Variants in TSHZ3 observed in about 807,000 individuals in gnomAD.
The protein encoded by TSHZ3 is teashirt zinc finger homeobox 3.
In TSHZ3, 10 loss-of-function variants were observed where a neutral mutation model predicts 64.5. The observed-to-expected ratio is 0.16, with a 90% confidence interval of 0.10 to 0.26. TSHZ3 has a LOEUF of 0.26. Ranked by LOEUF, TSHZ3 falls within the 10% of genes least tolerant of loss-of-function variation. The pLI, the probability that TSHZ3 is intolerant of heterozygous loss-of-function variation, is 1.00. For missense variants in TSHZ3, 1,242 were observed against 1,421.7 expected (o/e 0.87, Z 2.03); for synonymous variants, 608 against 593.1 (o/e 1.03, Z -0.36).
intron 6 of TSHZ3, among the ~76,000 whole-genome samples, chr19:31,154,185 C>G (rs927463395): frequency 6.6e-6 from 1 of 152,178 alleles, no homozygotes; most frequent in African/African-American, 2.4e-5. Flanking sequence ...CAGCAGAGCC[C>G]CACCCGTAGG....
At chr19:31,249,422 G>A (rs1975804256) in intron 1 of TSHZ3, among the ~76,000 whole-genome samples, 1 of 152,262 alleles carries the variant, frequency 6.6e-6, no homozygotes, top group Non-Finnish European at 1.5e-5. Context: ...GGGCAGGCCA[G>A]CAGGTTCCCT....
Position 31,277,435 on chromosome 19 carries a change from G to C in TSHZ3, c.2358C>G (p.Asn786Lys), listed in dbSNP as rs374144425. ...CTTTTGTCAAGTCTATGGGCTGGTC[G>C]TTGTTGACGTGGTAGAAATAGCGGT... ...HLDRYFYHVN[N>K]DQPIDLTKGK... is the part of the protein sequence containing the mutation. Residue 786 changes from asparagine to lysine, a missense_variant, in exon 2 of 2, where the codon AAC (asparagine) becomes AAG (lysine). Coordinates refer to ENST00000240587, the MANE Select transcript of TSHZ3 (RefSeq NM_020856.4). This position sits in a 1 kb window ranked among gnomAD's most constrained non-coding sequence, Gnocchi z 4.5. 7 of 1,613,972 alleles carry C rather than the reference G, an allele frequency of 4.3e-6. No homozygotes were observed. Among genetic ancestry groups the C allele is most frequent in the Non-Finnish European group, 5.9e-6 (7 of 1,180,008 alleles).
chr19:31,282,871 G>A (rs1297678295), intron 1 of TSHZ3, among the ~76,000 whole-genome samples: 3 of 152,188 alleles, frequency 2.0e-5, no homozygotes, highest in Non-Finnish European at 2.9e-5. Context: ...CCCCACTCCT[G>A]ACCATGTCAT....
At chr19:31,348,094 T>G (rs1355591299) in intron 1 of TSHZ3, among the ~76,000 whole-genome samples, 2 of 152,148 alleles carry the variant, frequency 1.3e-5, no homozygotes, top group African/African-American at 4.8e-5. Flanking sequence ...CACATCTGAG[T>G]GTTACTCATA....
intron 5 of TSHZ3, among the ~76,000 whole-genome samples, chr19:31,166,407 C>G (rs1199804221): frequency 2.0e-5 from 3 of 152,126 alleles, no homozygotes; most frequent in Admixed American, 6.5e-5. Flanking sequence ...GTAGGGACTT[C>G]GAGGGAGAGG....
In TSHZ3 at chr19:31,287,368, G is replaced by A. The variant is rs986675863; in HGVS notation, c.41-7616C>T. Among the ~76,000 whole-genome samples the A allele has an allele frequency of 7.2e-5, 11 of 152,194 alleles. No individual in the cohort carries two copies. The East Asian group carries it at 1.4e-3, about 19-fold the overall frequency. ...CCTTTTCCGCATGTCTTCTTATTAC[G>A]GATAGCCCAGAAGAACACCCCTCTT... On this transcript the variant is annotated intron_variant, in intron 1 of 1. Transcript: ENST00000240587.
intron 1 of TSHZ3, among the ~76,000 whole-genome samples, chr19:31,286,865 C>T (rs1474730108): frequency 6.6e-6 from 1 of 152,218 alleles, no homozygotes; most frequent in Non-Finnish European, 1.5e-5. Context: ...CGTATCATGT[C>T]CGGGGAGAGA....
At chr19:31,322,908 G>T (rs972833480) in intron 1 of TSHZ3, among the ~76,000 whole-genome samples, 1 of 152,188 alleles carries the variant, frequency 6.6e-6, no homozygotes, top group Non-Finnish European at 1.5e-5. Context: ...CAACATCAAG[G>T]ATTAGCAATA....
chr19:31,277,100 CAGTTTGACT>C lies in TSHZ3; in HGVS notation c.2684_2692del (p.Gln895_Trp898delinsArg). The C allele has an allele frequency of 6.2e-7, 1 of 1,604,086 alleles. No homozygotes were observed. Among genetic ancestry groups the C allele is most frequent in the Non-Finnish European group, 8.5e-7 (1 of 1,174,196 alleles). ...GAGGATCAGGAGGTGCTGGGGGTTC[CAGTTTGACT>C]GGCGGCCCTTCCTCTTCTGGGCGGG... On this transcript the variant is annotated inframe_deletion, in exon 2 of 2. Coordinates refer to ENST00000240587, the MANE Select transcript of TSHZ3 (RefSeq NM_020856.4). This position sits in a 1 kb window ranked among gnomAD's most constrained non-coding sequence, Gnocchi z 4.5.
chr19:31,309,286 G>A (rs1916387464), intron 1 of TSHZ3, among the ~76,000 whole-genome samples: 2 of 152,184 alleles, frequency 1.3e-5, no homozygotes, highest in Non-Finnish European at 1.5e-5. Flanking sequence ...GGTGGTAAAA[G>A]GACAGAAGGA....
At chr19:31,230,792 C>T (rs1378439730) in intron 3 of TSHZ3, among the ~76,000 whole-genome samples, 6 of 150,954 alleles carry the variant, frequency 4.0e-5, no homozygotes, top group African/African-American at 7.3e-5. Flanking sequence ...CTCCGCCTCC[C>T]GGGTTCATGC....
Position 31,160,097 on chromosome 19 carries a change from T to C in TSHZ3, n.810-3680A>G, listed in dbSNP as rs1974355504. Among the ~76,000 whole-genome samples, 3 of 152,242 alleles carry C rather than the reference T, an allele frequency of 2.0e-5. No homozygotes were observed. The South Asian group carries it at 6.2e-4, about 32-fold the overall frequency. On this transcript the variant is annotated intron_variant and non_coding_transcript_variant, in intron 5 of 6. Transcript: ENST00000651361. ...CTTACAATGGGCCAGGCCTTGTGTT[T>C]AAATATCAGTTGGTTTCATCTTTAT...
In TSHZ3 at chr19:31,207,187, T is replaced by C. The variant is rs60880847; in HGVS notation, n.687-2109A>G. On this transcript the variant is annotated intron_variant and non_coding_transcript_variant, in intron 4 of 6. Transcript: ENST00000651361. ...TTAATGAATGCATTGAAAAAAGTGA[T>C]TATATATTAAAGTACAAAAGTCTAT... Among the ~76,000 whole-genome samples the C allele has an allele frequency of 3.1e-3, 470 of 152,322 alleles. 2 individuals carry two copies. Among genetic ancestry groups the C allele is most frequent in the African/African-American group, 0.01 (430 of 41,572 alleles).
At chr19:31,285,439 C>G (rs1976440629) in intron 1 of TSHZ3, among the ~76,000 whole-genome samples, 1 of 147,856 alleles carries the variant, frequency 6.8e-6, no homozygotes, top group Non-Finnish European at 1.5e-5. Context: ...AGGATCACAT[C>G]ATTGCACTAA....
At chr19:31,175,066 C>A (rs536050714) in intron 5 of TSHZ3, among the ~76,000 whole-genome samples, 2 of 152,164 alleles carry the variant, frequency 1.3e-5, no homozygotes, top group South Asian at 2.1e-4. Context: ...TGGAAATGAG[C>A]CTTGTGGTCT....
rs1389745016 is a variant in TSHZ3, at chr19:31,160,807, CAT to C, written n.810-4392_810-4391del. ...ACACATTCACACACATTCACACACA[CAT>C]GCATATACACACAATTTAAATATCT... On this transcript the variant is annotated intron_variant and non_coding_transcript_variant, in intron 5 of 6. Coordinates refer to the TSHZ3 transcript ENST00000651361. 3.3e-5 allele frequency among the ~76,000 whole-genome samples: 5 copies of C among 152,028 alleles called. No individual in the cohort carries two copies. The South Asian group carries it at 6.2e-4, about 19-fold the overall frequency.
chr19:31,274,095 G>A (rs761019342), downstream of TSHZ3, among the ~76,000 whole-genome samples: 8 of 151,920 alleles, frequency 5.3e-5, no homozygotes, highest in African/African-American at 1.2e-4. Flanking sequence ...GCGTGTTGCC[G>A]AACATCTCTG....
chr19:31,193,082 A>G (rs919563962), intron 5 of TSHZ3, among the ~76,000 whole-genome samples: 1 of 152,140 alleles, frequency 6.6e-6, no homozygotes, highest in African/African-American at 2.4e-5. Context: ...GGGAGGCCTC[A>G]TGTTGCTGAT....
intron 5 of TSHZ3, among the ~76,000 whole-genome samples, chr19:31,188,283 T>C (rs992659343): frequency 2.5e-4 from 38 of 152,092 alleles, no homozygotes; most frequent in African/African-American, 8.9e-4. Flanking sequence ...ACAGATTCTT[T>C]TGGATTTTCT....
Sources: allele counts gnomAD v4.1 joint callset (sites outside exome capture counted in the v4.1 genomes callset), GRCh38; gene constraint gnomAD v4.1.1; non-coding constraint Gnocchi (gnomAD v3.1); transcripts MANE v1.5; gene names NCBI Gene and HGNC (gene_info 2026-07-23, HGNC 2026-07-21).